Variants in COG4 observed in about 807,000 individuals in gnomAD.
The protein encoded by COG4 is component of oligomeric golgi complex 4.
Under a neutral mutation model 95.1 loss-of-function variants are expected in COG4, and 65 were observed. The ratio of observed to expected loss-of-function variants is 0.68; its 90% CI spans 0.56 to 0.84. COG4 has a LOEUF of 0.84. Among genes scored for constraint, COG4 ranks in the 40% least tolerant of loss-of-function variants. The pLI, the probability that COG4 is intolerant of heterozygous loss-of-function variation, is 0.00. For missense variants in COG4, 1,045 were observed against 989.1 expected, an observed-to-expected ratio of 1.06 and a Z score of -0.76; for synonymous variants, 421 against 374.8, an observed-to-expected ratio of 1.12 and a Z score of -1.42.
Position 70,497,299 on chromosome 16 carries a change from C to T in COG4, c.1403G>A (p.Arg468Gln), listed in dbSNP as rs200052272. ...GTCAATGCTGGAGCTGGACAGAGCC[C>T]GCCCAATGCACTTCTTAACAATGTA... ...VFYIVKKCIG[R>Q]ALSSSSIDCL... is the part of the protein sequence containing the mutation. Residue 468 changes from arginine (R) to glutamine (Q), a missense_variant, in exon 11 of 19, where the codon CGG (arginine) becomes CAG (glutamine). Transcript: ENST00000323786. 190 of 1,613,952 alleles carry T rather than the reference C, an allele frequency of 1.2e-4. No individual in the cohort carries two copies. The highest frequency in any genetic ancestry group is 1.5e-4 in the Non-Finnish European group (172 of 1,180,026).
rs1213733048 is a variant in COG4 at position 70,480,967 on chromosome 16, C to G, written c.*43G>C. 1 of 1,609,018 alleles carries G rather than the reference C, an allele frequency of 6.2e-7. No individual in the cohort carries two copies. The highest frequency in any genetic ancestry group is 8.5e-7 in the Non-Finnish European group (1 of 1,179,708). The stretch of plus-strand genomic sequence containing the variant: ...TCCTTGGCTGGGGCCCCTTAGGGAA[C>G]AGGCCTGCAAGTGTGATGAGCCAGG... On this transcript the variant is annotated 3_prime_UTR_variant, in exon 19 of 19. Coordinates refer to ENST00000323786, the MANE Select transcript of COG4 (RefSeq NM_015386.3).
chr16:70,511,090 T>C (rs1485294304), intron 5 of COG4, among the ~76,000 whole-genome samples: 1 of 152,184 alleles, frequency 6.6e-6, no homozygotes, highest in Admixed American at 6.5e-5. Context: ...ATTAACTTTT[T>C]AGAATGAGTA....
At chr16:70,506,627 A>AC (rs2049581878) in intron 8 of COG4, among the ~76,000 whole-genome samples, 2 of 137,248 alleles carry the variant, frequency 1.5e-5, no homozygotes, top group Admixed American at 7.3e-5. Flanking sequence ...ACAAAAAAAA[A>AC]AACATTTAGC....
Position 70,523,442 on chromosome 16 carries a change from A to G in COG4, c.102T>C (p.Ala34=), listed in dbSNP as rs769041915. The change falls in exon 1 of 19, where the codon GCT becomes GCC. Residue 34 remains alanine (A), a synonymous_variant. Transcript: ENST00000323786. ...VGGGRCSEIS[A]ELIRSLTELQ... ...GCTCTGTCAGGGAGCGAATGAGCTCAGCGGAGATTTCGGAGCAGCGGCCAC... is the reference window on the plus strand; with the variant it reads ...GCTCTGTCAGGGAGCGAATGAGCTCGGCGGAGATTTCGGAGCAGCGGCCAC... The G allele has an allele frequency of 1.9e-6, 3 of 1,613,994 alleles. No homozygotes were observed. Among genetic ancestry groups the G allele is most frequent in the Non-Finnish European group, 2.5e-6 (3 of 1,180,020 alleles).
intron 5 of COG4, among the ~76,000 whole-genome samples, chr16:70,510,276 G>A (rs1423228655): frequency 1.3e-5 from 2 of 152,126 alleles, no homozygotes; most frequent in Non-Finnish European, 2.9e-5. Context: ...CATTAGCCAA[G>A]GGAGAGAGTC....
chr16:70,509,692 A>T (rs1323781762), intron 6 of COG4, among the ~76,000 whole-genome samples: 1 of 152,230 alleles, frequency 6.6e-6, no homozygotes, highest in Non-Finnish European at 1.5e-5. Context: ...TTATTCGTAC[A>T]GAGTTTGGGG....
In COG4 at chr16:70,481,496, G is replaced by A; in HGVS notation, c.2107-9C>T. 1.2e-6 allele frequency: 2 copies of A among 1,611,128 alleles called. No homozygotes were observed. Among genetic ancestry groups the A allele is most frequent in the Non-Finnish European group, 1.7e-6 (2 of 1,179,986 alleles). On this transcript the variant is annotated splice_polypyrimidine_tract_variant and intron_variant, in intron 17 of 18. Transcript: ENST00000323786. The stretch of plus-strand genomic sequence containing the variant: ...AACTGCAGACCACCCAGCTGCAGGA[G>A]AACCCAAGCCCAGTCACTACTTAGG...
chr16:70,503,881 A>C (rs1241492759), intron 8 of COG4, among the ~76,000 whole-genome samples: 1 of 122,810 alleles, frequency 8.1e-6, no homozygotes, highest in Non-Finnish European at 1.5e-5. Context: ...GGCGTGAGCC[A>C]CCGCGCCCGG....
chr16:70,495,659 C>G (rs555614780), intron 12 of COG4, among the ~76,000 whole-genome samples: 1 of 152,332 alleles, frequency 6.6e-6, no homozygotes, highest in South Asian at 2.1e-4. Context: ...TAGGATTCAT[C>G]TGTGGTCTTT....
intron 15 of COG4, 51 bp downstream of exon 15, chr16:70,482,678 C>A (rs753577092): frequency 7.5e-6 from 11 of 1,458,316 alleles, no homozygotes; most frequent in Admixed American, 1.7e-5. Flanking sequence ...CTAGCTGGGG[C>A]TAGGGATGAG....
At chr16:70,483,666 A>G (rs952457582) in intron 14 of COG4, among the ~76,000 whole-genome samples, 187 bp downstream of exon 14, 3 of 152,124 alleles carry the variant, frequency 2.0e-5, no homozygotes, top group African/African-American at 4.8e-5. Context: ...CAGTGTGACA[A>G]CTTCACTGCT....
intron 13 of COG4, 36 bp from the exon 14 acceptor site, chr16:70,484,005 G>A (rs750986272): frequency 2.1e-5 from 31 of 1,480,914 alleles, no homozygotes; most frequent in Non-Finnish European, 2.6e-5. Flanking sequence ...CACCGAGCAC[G>A]CGTGGGCCAT....
intron 2 of COG4, among the ~76,000 whole-genome samples, chr16:70,518,404 G>T (rs893769086): frequency 3.9e-5 from 6 of 151,974 alleles, no homozygotes; most frequent in Non-Finnish European, 8.8e-5. Context: ...TGCCACTCAG[G>T]CTAGAATGCA....
intron 12 of COG4, among the ~76,000 whole-genome samples, chr16:70,491,594 G>A (rs1336363366): frequency 6.7e-6 from 1 of 148,656 alleles, no homozygotes; most frequent in African/African-American, 2.5e-5. Context: ...GGAGGCCGAA[G>A]CAGGTGGATC....
chr16:70,523,538 C>G lies in COG4; in HGVS notation c.6G>C (p.Gly2=). The part of the protein sequence containing the change: M[G]TKMADLDSPP... Reference sequence around the variant, plus strand: ...GCGAATCAAGGTCCGCCATCTTGGTCCCCATTCGGCACTTCCGGTCCCGCG... The same window carrying G: ...GCGAATCAAGGTCCGCCATCTTGGTGCCCATTCGGCACTTCCGGTCCCGCG... Residue 2 remains glycine, a synonymous_variant, in exon 1 of 19, where the codon GGG becomes GGC. Transcript: ENST00000323786. The G allele has an allele frequency of 1.2e-6, 2 of 1,613,794 alleles. No individual in the cohort carries two copies. Among genetic ancestry groups the G allele is most frequent in the Non-Finnish European group, 1.7e-6 (2 of 1,179,936 alleles).
chr16:70,502,054 C>A (rs570059448), intron 8 of COG4, among the ~76,000 whole-genome samples: 2 of 148,926 alleles, frequency 1.3e-5, no homozygotes, highest in Admixed American at 1.3e-4. Flanking sequence ...GAGGCTGAGG[C>A]GGGCGGATCA....
chr16:70,508,588 T>C (rs1459610793), intron 7 of COG4, 124 bp from the exon 8 acceptor site: 2 of 863,032 alleles, frequency 2.3e-6, no homozygotes, highest in Non-Finnish European at 3.9e-6. Flanking sequence ...CAGGTTTACC[T>C]TCCCTTCAAG....
chr16:70,514,387 G>C lies in COG4; in HGVS notation c.492C>G (p.Arg164=). 1 of 1,614,084 alleles carries C rather than the reference G, an allele frequency of 6.2e-7. No individual in the cohort carries two copies. Among genetic ancestry groups the C allele is most frequent in the Non-Finnish European group, 8.5e-7 (1 of 1,179,998 alleles). The change falls in exon 4 of 19, where the codon CGC becomes CGG. Residue 164 remains arginine, a synonymous_variant. Transcript: ENST00000323786. ...DYEQAAAHTH[R]YLCLDKSVIE... Reference sequence around the variant, plus strand: ...TGACCGACTTGTCCAGGCACAAGTAGCGATGAGTATGTGCTGCAGCCTGCT... The same window carrying C: ...TGACCGACTTGTCCAGGCACAAGTACCGATGAGTATGTGCTGCAGCCTGCT...
intron 1 of COG4, among the ~76,000 whole-genome samples, chr16:70,520,415 T>C (rs1257725532): frequency 9.3e-6 from 1 of 107,394 alleles, no homozygotes; most frequent in Admixed American, 1.4e-4. Context: ...GCCGAGATCA[T>C]GCCACTGCAC....
Sources: gnomAD v4.1 joint callset for allele counts (sites outside exome capture counted in the v4.1 genomes callset) on GRCh38, gnomAD v4.1.1 for gene constraint, MANE v1.5 for transcripts, NCBI Gene and HGNC (gene_info 2026-07-23, HGNC 2026-07-21) for gene names.